Variants in MAGI1 observed in about 807,000 individuals in gnomAD.
The protein encoded by MAGI1 is membrane associated guanylate kinase, WW and PDZ domain containing 1.
MAGI1 carries 58 observed loss-of-function variants against 139.9 expected under a neutral mutation model. The observed-to-expected ratio is 0.41, with a 90% CI of 0.34 to 0.52. The LOEUF (loss-of-function observed/expected upper bound fraction) is 0.52, where lower values mean the gene tolerates loss of function less well. Ranked by LOEUF, MAGI1 falls within the 20% of genes least tolerant of loss-of-function variation. The pLI is 0.12. For synonymous variants in MAGI1, 812 were observed against 737.9 expected, an observed-to-expected ratio of 1.10 and a Z score of -1.63; for missense variants, 1,874 against 1,901.6, an observed-to-expected ratio of 0.99 and a Z score of 0.27.
intron 2 of MAGI1, among the ~76,000 whole-genome samples, chr3:65,499,290 T>C (rs771079707): frequency 6.6e-6 from 1 of 152,020 alleles, no homozygotes; most frequent in Non-Finnish European, 1.5e-5. Flanking sequence ...ATGGAAATGA[T>C]TGAATGAAAT....
chr3:65,460,521 T>C (rs529069800), intron 5 of MAGI1, among the ~76,000 whole-genome samples: 3 of 152,048 alleles, frequency 2.0e-5, no homozygotes, highest in Non-Finnish European at 4.4e-5. Context: ...AGCCTGGGAA[T>C]ACTACTTGCA....
chr3:65,572,683 T>A (rs1197186443), intron 2 of MAGI1, among the ~76,000 whole-genome samples: 1 of 152,146 alleles, frequency 6.6e-6, no homozygotes, highest in Non-Finnish European at 1.5e-5. Context: ...CCATTTATGA[T>A]ATGCTGTTTT....
chr3:65,379,647 CA>C (rs1942876913), intron 16 of MAGI1, 93 bp from the exon 17 acceptor site: 1 of 1,530,470 alleles, frequency 6.5e-7, no homozygotes. Flanking sequence ...TGCTAGAAAT[CA>C]AAACGTGAAC....
At chr3:65,652,176 G>C (rs897403797) in intron 1 of MAGI1, among the ~76,000 whole-genome samples, 2 of 152,104 alleles carry the variant, frequency 1.3e-5, no homozygotes, top group African/African-American at 2.4e-5. Flanking sequence ...TTTAAACTCT[G>C]ATTATCAAAG....
Position 65,733,819 on chromosome 3 carries a change from A to G in MAGI1, c.314-111731T>C, listed in dbSNP as rs554851775. Among the ~76,000 whole-genome samples the G allele has an allele frequency of 5.3e-4, 81 of 152,198 alleles. 1 individual carries two copies. The highest frequency in any genetic ancestry group is 9.4e-4 in the Non-Finnish European group (64 of 68,032). On this transcript the variant is annotated intron_variant, in intron 1 of 22. Coordinates refer to ENST00000402939, the MANE Select transcript of MAGI1 (RefSeq NM_001033057.2). ...AGAAGCACAGAAGATAGTCAGATGGACACTTCCAAGAAGGGAATGGAAGCA... is the reference window on the plus strand; with the variant it reads ...AGAAGCACAGAAGATAGTCAGATGGGCACTTCCAAGAAGGGAATGGAAGCA...
At chr3:65,467,642 A>AT (rs1950252767) in intron 5 of MAGI1, among the ~76,000 whole-genome samples, 1 of 152,224 alleles carries the variant, frequency 6.6e-6, no homozygotes, top group African/African-American at 2.4e-5. Flanking sequence ...TAAGCCAGCC[A>AT]TAGTTTAGGA....
At chr3:65,709,723 G>A (rs1161550075) in intron 1 of MAGI1, among the ~76,000 whole-genome samples, 1 of 152,210 alleles carries the variant, frequency 6.6e-6, no homozygotes, top group Non-Finnish European at 1.5e-5. Flanking sequence ...ATCTGAATAT[G>A]AGAAGAGTGC....
chr3:65,663,814 G>C (rs377186516), intron 1 of MAGI1, among the ~76,000 whole-genome samples: 1 of 152,146 alleles, frequency 6.6e-6, no homozygotes, highest in Non-Finnish European at 1.5e-5. Context: ...TCAGTAGTCA[G>C]TAGTAGTACC....
chr3:65,867,310 G>A (rs1036119510), intron 1 of MAGI1, among the ~76,000 whole-genome samples: 2 of 152,160 alleles, frequency 1.3e-5, no homozygotes, highest in African/African-American at 4.8e-5. Context: ...ATCGTCATTT[G>A]TCCAATTCCT....
At chr3:65,499,846 G>C (rs1004786595) in intron 2 of MAGI1, among the ~76,000 whole-genome samples, 10 of 152,182 alleles carry the variant, frequency 6.6e-5, no homozygotes, top group Non-Finnish European at 8.8e-5. Context: ...CCTCAGGAGG[G>C]TAGCTTCAGA....
intron 14 of MAGI1, among the ~76,000 whole-genome samples, chr3:65,389,236 T>C (rs1158788900): frequency 1.3e-5 from 2 of 152,266 alleles, no homozygotes; most frequent in East Asian, 3.9e-4. Context: ...TTTTTTTTCC[T>C]AGTGAAAACT....
chr3:65,919,679 TTCTCTCTCTCTC>T (rs10575249), intron 1 of MAGI1, among the ~76,000 whole-genome samples: 12 of 148,540 alleles, frequency 8.1e-5, no homozygotes, highest in African/African-American at 2.0e-4. Flanking sequence ...TTCTCTCTCC[TTCTCTCTCTCTC>T]TCTCTCTCTC....
chr3:66,027,026 T>C (rs1345801369), intron 1 of MAGI1, among the ~76,000 whole-genome samples: 5 of 151,684 alleles, frequency 3.3e-5, no homozygotes, highest in Non-Finnish European at 5.9e-5. Context: ...TCCCAGCACT[T>C]TGGGAGGCCG....
At chr3:65,696,878 G>C (rs193013287) in intron 1 of MAGI1, among the ~76,000 whole-genome samples, 2 of 150,698 alleles carry the variant, frequency 1.3e-5, no homozygotes, top group East Asian at 3.9e-4. Context: ...AATTAGAGAA[G>C]AACTGAAGGA....
chr3:65,416,895 G>A (rs1946259863), intron 12 of MAGI1, among the ~76,000 whole-genome samples: 1 of 152,134 alleles, frequency 6.6e-6, no homozygotes, highest in South Asian at 2.1e-4. Flanking sequence ...TACCAGGTAA[G>A]GTAGAAGTTT....
At chr3:66,005,161 T>A (rs1356536950) in intron 1 of MAGI1, among the ~76,000 whole-genome samples, 1 of 152,174 alleles carries the variant, frequency 6.6e-6, no homozygotes, top group Admixed American at 6.5e-5. Context: ...AGCAGTCCCA[T>A]ATGCAAAGCT....
chr3:65,363,076 T>C (rs919756919), intron 21 of MAGI1, among the ~76,000 whole-genome samples: 11 of 152,290 alleles, frequency 7.2e-5, no homozygotes, highest in Non-Finnish European at 1.5e-4. Context: ...GCCCAGAATC[T>C]ACAGGGCCAT....
At chr3:65,968,467 G>C (rs1287784107) in intron 1 of MAGI1, among the ~76,000 whole-genome samples, 1 of 152,088 alleles carries the variant, frequency 6.6e-6, no homozygotes, top group African/African-American at 2.4e-5. Flanking sequence ...CCATCTTGGT[G>C]CTGATGGAAA....
intron 1 of MAGI1, among the ~76,000 whole-genome samples, chr3:65,742,110 A>T (rs1351629390): frequency 6.6e-6 from 1 of 152,184 alleles, no homozygotes; most frequent in Non-Finnish European, 1.5e-5. Context: ...AATGCTTAGA[A>T]TTCTACAATA....
Sources: allele counts gnomAD v4.1 joint callset (sites outside exome capture counted in the v4.1 genomes callset), GRCh38; gene constraint gnomAD v4.1.1; transcripts MANE v1.5; gene names NCBI Gene and HGNC (gene_info 2026-07-23, HGNC 2026-07-21).